USH2A: variants seen among roughly 807,000 people sequenced by gnomAD.
The protein encoded by USH2A is Usher syndrome 2A (autosomal recessive, mild).
USH2A carries 443 observed loss-of-function variants against 538.9 expected under a neutral mutation model. That is an observed-to-expected ratio of 0.82 (90% confidence interval 0.76 to 0.89). USH2A has a LOEUF of 0.89. Ranked by LOEUF, USH2A falls within the 40% of genes least tolerant of loss-of-function variation. The pLI is 0.00. For missense variants in USH2A, 6,633 were observed against 6,324.8 expected (o/e 1.05, Z -1.65); for synonymous variants, 2,413 against 2,273.5 (o/e 1.06, Z -1.75).
intron 29 of USH2A, among the ~76,000 whole-genome samples, chr1:216,071,112 A>G (rs1262973101): frequency 6.6e-6 from 1 of 152,164 alleles, no homozygotes; most frequent in Non-Finnish European, 1.5e-5. Flanking sequence ...AAAGAGCCCA[A>G]GGAACTCCGT....
chr1:216,029,766 T>G (rs182678241), intron 32 of USH2A, among the ~76,000 whole-genome samples: 1 of 151,804 alleles, frequency 6.6e-6, no homozygotes, highest in Admixed American at 6.6e-5. Flanking sequence ...GCACTTAAAC[T>G]ATCTAGACTT....
At chr1:216,288,702 C>T (rs1460283010) in intron 11 of USH2A, among the ~76,000 whole-genome samples, 1 of 152,068 alleles carries the variant, frequency 6.6e-6, no homozygotes, top group African/African-American at 2.4e-5. Flanking sequence ...AATAAGAAGC[C>T]TGTTTTCCTG....
intron 38 of USH2A, among the ~76,000 whole-genome samples, chr1:215,908,835 T>C (rs10746460): frequency 1.3e-5 from 2 of 151,382 alleles, no homozygotes; most frequent in African/African-American, 4.8e-5. Flanking sequence ...GGGTAAACGT[T>C]GATGAATGCT....
At chr1:215,900,008 A>G in intron 40 of USH2A, 67 bp downstream of exon 40, 1 of 1,610,332 alleles carries the variant, frequency 6.2e-7, no homozygotes, top group Admixed American at 1.7e-5. Context: ...TGCTTTGGAA[A>G]AAATTGAAGA....
intron 41 of USH2A, among the ~76,000 whole-genome samples, chr1:215,883,378 G>A (rs1664968252): frequency 6.6e-6 from 1 of 151,724 alleles, no homozygotes; most frequent in South Asian, 2.1e-4. Context: ...GGGTGGGGGG[G>A]AAGTTTATGC....
At chr1:216,323,862 TAGAA>T (rs1410058326) in intron 7 of USH2A, among the ~76,000 whole-genome samples, 167 bp from the exon 8 acceptor site, 1 of 152,162 alleles carries the variant, frequency 6.6e-6, no homozygotes, top group African/African-American at 2.4e-5. Flanking sequence ...AGGATTATCA[TAGAA>T]AGCCACACTA....
chr1:215,816,055 T>C (rs1662851106), intron 48 of USH2A, among the ~76,000 whole-genome samples: 1 of 152,088 alleles, frequency 6.6e-6, no homozygotes, highest in Admixed American at 6.6e-5. Flanking sequence ...GTGAATTCCG[T>C]ATTTTGCCAA....
chr1:216,420,862 T>C (rs1040464317), intron 2 of USH2A, among the ~76,000 whole-genome samples: 8 of 152,142 alleles, frequency 5.3e-5, no homozygotes. Flanking sequence ...AACTTTCACT[T>C]GGCAAATTGA....
At chr1:215,628,694 A>G (rs1377286155) in intron 71 of USH2A, 120 bp downstream of exon 71, 8 of 1,007,352 alleles carry the variant, frequency 7.9e-6, no homozygotes, top group African/African-American at 1.6e-5. Flanking sequence ...TTACTACCTC[A>G]CTGGCTAAGT....
intron 21 of USH2A, among the ~76,000 whole-genome samples, chr1:216,100,104 G>T (rs1258337868): frequency 1.3e-5 from 2 of 152,178 alleles, no homozygotes; most frequent in African/African-American, 2.4e-5. Flanking sequence ...GGCAAGGTTA[G>T]TTAACTGTGT....
At chr1:215,883,114 T>C (rs917437983) in intron 41 of USH2A, among the ~76,000 whole-genome samples, 4 of 152,168 alleles carry the variant, frequency 2.6e-5, no homozygotes, top group Non-Finnish European at 4.4e-5. Context: ...TAATTAATTT[T>C]CACTCCCTTG....
intron 16 of USH2A, among the ~76,000 whole-genome samples, chr1:216,204,665 T>A (rs2035072728): frequency 6.6e-6 from 1 of 152,214 alleles, no homozygotes; most frequent in Non-Finnish European, 1.5e-5. Flanking sequence ...AATGCCTTTA[T>A]TTAACCCAAA....
intron 9 of USH2A, among the ~76,000 whole-genome samples, chr1:216,296,195 G>A (rs1182235873): frequency 6.6e-6 from 1 of 152,006 alleles, no homozygotes; most frequent in Non-Finnish European, 1.5e-5. Context: ...TTTATATCAG[G>A]TAGTGCTACT....
chr1:215,975,982 C>T (rs1157992776), intron 35 of USH2A, among the ~76,000 whole-genome samples: 3 of 151,920 alleles, frequency 2.0e-5, no homozygotes, highest in Non-Finnish European at 4.4e-5. Context: ...GTGCCATACA[C>T]GATTTCTTTT....
chr1:215,931,608 C>T (rs1666365247), intron 38 of USH2A, among the ~76,000 whole-genome samples: 1 of 151,940 alleles, frequency 6.6e-6, no homozygotes, highest in Non-Finnish European at 1.5e-5. Flanking sequence ...GGCTAAAATA[C>T]AAGGTTGCTG....
chr1:215,664,631 T>A (rs928812284), intron 64 of USH2A, among the ~76,000 whole-genome samples: 1 of 152,236 alleles, frequency 6.6e-6, no homozygotes, highest in Non-Finnish European at 1.5e-5. Flanking sequence ...CTTTTATAGA[T>A]GAGTGCTATG....
Position 216,327,629 on chromosome 1 carries a change from C to T in USH2A, c.810G>A (p.Met270Ile). The T allele has an allele frequency of 6.2e-7, 1 of 1,613,188 alleles. No homozygotes were observed. The stretch of plus-strand genomic sequence containing the variant: ...CCACTTGGTATAATCGAAAATCTTG[C>T]ATTCTTCCGACAAACTGCTCTAAAC... ...LNGLEQFVGR[M>I]QDFRLYQVAL... The change falls in exon 5 of 72, where the codon ATG becomes ATA. Residue 270 changes from methionine (M) to isoleucine (I), a missense_variant. Transcript: ENST00000307340.
chr1:216,200,174 G>T (rs1357163574), intron 16 of USH2A, 53 bp from the exon 17 acceptor site: 13 of 1,557,110 alleles, frequency 8.3e-6, no homozygotes, highest in African/African-American at 1.4e-5. Flanking sequence ...AGTTGGTGAA[G>T]AATCATTGCT....
chr1:216,387,067 T>C (rs753065042), intron 3 of USH2A, among the ~76,000 whole-genome samples: 2 of 152,136 alleles, frequency 1.3e-5, no homozygotes, highest in South Asian at 2.1e-4. Flanking sequence ...TTACTTTGTA[T>C]GAAGCAGAAA....
Sources: allele counts gnomAD v4.1 joint callset (sites outside exome capture counted in the v4.1 genomes callset), GRCh38; gene constraint gnomAD v4.1.1; transcripts MANE v1.5; gene names NCBI Gene and HGNC (gene_info 2026-07-23, HGNC 2026-07-21).